The following HSPA12B variants were observed in gnomAD, a reference collection of about 807,000 sequenced individuals.
The protein encoded by HSPA12B is heat shock 70 kDa protein 12B.
In HSPA12B, 54 loss-of-function variants were observed where a neutral mutation model predicts 69.3. The ratio of observed to expected loss-of-function variants is 0.78; its 90% CI spans 0.63 to 0.98. The LOEUF is 0.98. Among genes scored for constraint, HSPA12B ranks in the 50% least tolerant of loss-of-function variants. The pLI is 0.00. For missense variants in HSPA12B, 929 were observed against 999.8 expected (o/e 0.93, Z 0.96); for synonymous variants, 441 against 436.5 (o/e 1.01, Z -0.13).
At position 3,745,340 on chromosome 20, in the gene HSPA12B, G is replaced by T. The variant is rs1444090265; in HGVS notation, c.454-153G>T. Among the ~76,000 whole-genome samples, 4 of 150,820 alleles carry T rather than the reference G, an allele frequency of 2.7e-5. No individual in the cohort carries two copies. The highest frequency in any genetic ancestry group is 4.4e-5 in the Non-Finnish European group (3 of 67,770). On this transcript the variant is annotated intron_variant, in intron 5 of 12. Coordinates refer to ENST00000254963, the MANE Select transcript of HSPA12B (RefSeq NM_052970.5). The surrounding 1 kb of genome is among the most constrained non-coding windows in gnomAD (Gnocchi z 5.6). ...AGGAGGGGTGGGGCTAAGGAGAGGG[G>T]TCGGGGCAGAGCTAATGTCACATGG... is the stretch of plus-strand genomic sequence containing the variant.
At position 3,748,364 on chromosome 20, in the gene HSPA12B, C is replaced by T. The variant is rs139111180; in HGVS notation, c.823C>T (p.Arg275Cys). 8.3e-4 allele frequency: 1,324 copies of T among 1,604,090 alleles called. 4 individuals are homozygous for T. Among genetic ancestry groups the T allele is most frequent in the Middle Eastern group, 5.8e-3 (34 of 5,844 alleles). The change falls in exon 8 of 13, where the codon CGC becomes TGC. Residue 275 changes from arginine to cysteine, a missense_variant. Physicochemically the swap from Arg to Cys is radical, Grantham distance 180. This residue lies in a region of HSPA12B where 477 missense variants were observed against 535.2 expected (regional missense o/e 0.89). Coordinates refer to ENST00000254963, the MANE Select transcript of HSPA12B (RefSeq NM_052970.5). ...AGGTGGTGGGCGCCTGGGTGAGCGC[C>T]GCTCCATCGACTCCAGCTTCCGTCA... ...APGGGRLGER[R>C]SIDSSFRQAR...
At chr20:3,736,876 A>T (rs866875651) in intron 1 of HSPA12B, among the ~76,000 whole-genome samples, 1 of 152,150 alleles carries the variant, frequency 6.6e-6, no homozygotes, top group Admixed American at 6.5e-5. Context: ...TACAAAAATT[A>T]GCCAGGCATT....
At position 3,744,966 on chromosome 20, in the gene HSPA12B, C is replaced by T; in HGVS notation, c.331C>T (p.Pro111Ser). The change falls in exon 5 of 13, where the codon CCG (proline) becomes TCG (serine). Residue 111 changes from proline (P) to serine (S), a missense_variant. Pro to Ser is a moderately conservative substitution (Grantham distance 74). Around this residue, in one of 3 missense-constraint regions of HSPA12B, gnomAD observed 477 missense variants for 535.2 expected, o/e 0.89. Transcript: ENST00000254963. The surrounding 1 kb of genome is among the most constrained non-coding windows in gnomAD (Gnocchi z 4.9). ...GACCCCGACCTGCCTGCTGCTGACTCCGGAGGGCGCCTTCCACAGCTTTGG... is the reference window on the plus strand; with the variant it reads ...GACCCCGACCTGCCTGCTGCTGACTTCGGAGGGCGCCTTCCACAGCTTTGG... ...QKTPTCLLLT[P>S]EGAFHSFGYT... is the part of the protein sequence containing the mutation. The T allele has an allele frequency of 4.3e-6, 7 of 1,613,968 alleles. No homozygotes were observed. Among genetic ancestry groups the T allele is most frequent in the Non-Finnish European group, 5.9e-6 (7 of 1,180,040 alleles).
Position 3,750,631 on chromosome 20 carries a change from G to A in HSPA12B, c.1302-173G>A, listed in dbSNP as rs1342023941. 8 of 981,554 alleles carry A rather than the reference G, an allele frequency of 8.2e-6. No individual in the cohort carries two copies. In the South Asian group the frequency reaches 1.9e-4, roughly 23 times the overall value. The allele number at this position is 981,554 out of a possible 1,614,324, so 60.8% of individuals were successfully genotyped here. ...CAACTAAATCCTCTGAGTGAGTAGG[G>A]TGGAGATAAGGGACTAACATCCCGC... On this transcript the variant is annotated intron_variant, in intron 11 of 12. Coordinates refer to ENST00000254963, the MANE Select transcript of HSPA12B (RefSeq NM_052970.5).
At position 3,749,657 on chromosome 20, in the gene HSPA12B, G is replaced by C; in HGVS notation, c.938-93G>C. On this transcript the variant is annotated intron_variant, in intron 9 of 12. Transcript: ENST00000254963. The surrounding 1 kb of genome is among the most constrained non-coding windows in gnomAD (Gnocchi z 5.5). ...ACCCTGCAGACAGGCCTTGGGACCCGGGGCAGGGCTGGAGGCTGGGCGAGG... is the reference window on the plus strand; with the variant it reads ...ACCCTGCAGACAGGCCTTGGGACCCCGGGCAGGGCTGGAGGCTGGGCGAGG... 1.1e-6 allele frequency: 1 copy of C among 947,028 alleles called. No homozygotes were observed. Among genetic ancestry groups the C allele is most frequent in the Non-Finnish European group, 1.6e-6 (1 of 643,990 alleles). 58.7% of individuals were successfully genotyped at this position (947,028 alleles called of 1,614,324 possible). A position where few individuals can be genotyped will look rare whatever the true frequency, so the allele number is the denominator to read the frequency against.
chr20:3,750,927 C>G lies in HSPA12B; in HGVS notation c.1405+20C>G. On this transcript the variant is annotated intron_variant, in intron 12 of 12. Transcript: ENST00000254963. ...ACATAGGTGAGCACCTGAGCTTGGT[C>G]CCCCACCCGCCCCTACATGAACAAA... 1 of 1,591,616 alleles carries G rather than the reference C, an allele frequency of 6.3e-7. No individual in the cohort carries two copies. The highest frequency in any genetic ancestry group is 2.2e-5 in the East Asian group (1 of 44,768).
At position 3,737,783 on chromosome 20, in the gene HSPA12B, A is replaced by G. The variant is rs748558923; in HGVS notation, c.-17-875A>G. 6.6e-6 allele frequency among the ~76,000 whole-genome samples: 1 copy of G among 152,194 alleles called. No individual in the cohort carries two copies. The highest frequency in any genetic ancestry group is 1.5e-5 in the Non-Finnish European group (1 of 68,036). On this transcript the variant is annotated intron_variant, in intron 1 of 12. Coordinates refer to ENST00000254963, the MANE Select transcript of HSPA12B (RefSeq NM_052970.5). The surrounding 1 kb of genome is among the most constrained non-coding windows in gnomAD (Gnocchi z 4.1). ...TTTGAGAGGCCGAGGTGGGCGGATCACCTGAGGTCAGGAGTTCGAGAACAG... is the reference window on the plus strand; with the variant it reads ...TTTGAGAGGCCGAGGTGGGCGGATCGCCTGAGGTCAGGAGTTCGAGAACAG...
rs1056350043 is a variant in HSPA12B, at chr20:3,741,327, A to G, written c.141+415A>G. 1.4e-4 allele frequency among the ~76,000 whole-genome samples: 20 copies of G among 145,954 alleles called. No individual in the cohort carries two copies. The East Asian group carries it at 4.1e-3, about 30-fold the overall frequency. ...GATGTGTTGCCAAAAAAAAAAAAAA[A>G]TAGTCTGGAAACCATTAGCTTGGGC... is the stretch of plus-strand genomic sequence containing the variant. On this transcript the variant is annotated intron_variant, in intron 3 of 12. Transcript: ENST00000254963.
At chr20:3,738,186 T>A (rs1398333921) in intron 1 of HSPA12B, among the ~76,000 whole-genome samples, 1 of 152,172 alleles carries the variant, frequency 6.6e-6, no homozygotes, top group Non-Finnish European at 1.5e-5. Flanking sequence ...CACCCCGCAT[T>A]ATCCAACTTT....
rs375725643 is a variant in HSPA12B, at chr20:3,750,087, G to A, written c.1161G>A (p.Leu387=). 2 of 1,612,106 alleles carry A rather than the reference G, an allele frequency of 1.2e-6. No individual in the cohort carries two copies. Among genetic ancestry groups the A allele is most frequent in the East Asian group, 2.2e-5 (1 of 44,824 alleles). ...AACGGCCGGCAGCCTGGGTAGATCTGACCATCGCCTTCGAGGCTCGCAAGC... is the reference window on the plus strand; with the variant it reads ...AACGGCCGGCAGCCTGGGTAGATCTAACCATCGCCTTCGAGGCTCGCAAGC... ...KRQRPAAWVD[L]TIAFEARKRT... is the part of the protein sequence containing the mutation. Residue 387 remains leucine, a synonymous_variant, in exon 11 of 13, where the codon CTG becomes CTA. Transcript: ENST00000254963.
intron 11 of HSPA12B, 134 bp downstream of exon 11, chr20:3,750,361 T>A: frequency 9.8e-7 from 1 of 1,024,568 alleles, no homozygotes; most frequent in South Asian, 1.8e-5. Context: ...CAGCAGGGCG[T>A]CGGGGTGGGG....
chr20:3,750,727 T>C, intron 11 of HSPA12B, 77 bp from the exon 12 acceptor site: 1 of 1,608,062 alleles, frequency 6.2e-7, no homozygotes, highest in Non-Finnish European at 8.5e-7. Flanking sequence ...AGGTAGAGAA[T>C]AAGGACCACG....
At chr20:3,747,722 G>A (rs2088331252) in intron 7 of HSPA12B, among the ~76,000 whole-genome samples, 1 of 152,242 alleles carries the variant, frequency 6.6e-6, no homozygotes. Context: ...TGGAAGTGGG[G>A]TGGCCTATGG....
At chr20:3,750,989 T>C in intron 12 of HSPA12B, 82 bp downstream of exon 12, 1 of 1,151,348 alleles carries the variant, frequency 8.7e-7, no homozygotes, top group Non-Finnish European at 1.3e-6. Flanking sequence ...AGTGCCTAGA[T>C]ACCTCCACAC....
rs758940609 is a variant in HSPA12B at position 3,738,650 on chromosome 20, G to C, written c.-17-8G>C. 6.2e-7 allele frequency: 1 copy of C among 1,613,818 alleles called. No homozygotes were observed. The highest frequency in any genetic ancestry group is 1.6e-4 in the Middle Eastern group (1 of 6,062). ...AATCCCACTCTGCTTGTCTGTTCCTGTTGACAGCTACAGGGCCTGCAAGGA... is the reference window on the plus strand; with the variant it reads ...AATCCCACTCTGCTTGTCTGTTCCTCTTGACAGCTACAGGGCCTGCAAGGA... On this transcript the variant is annotated splice_polypyrimidine_tract_variant and splice_region_variant and intron_variant, in intron 1 of 12. Coordinates refer to ENST00000254963, the MANE Select transcript of HSPA12B (RefSeq NM_052970.5).
chr20:3,738,693 A>C lies in HSPA12B; in HGVS notation c.19A>C (p.Met7Leu). 6.2e-7 allele frequency: 1 copy of C among 1,614,116 alleles called. No individual in the cohort carries two copies. The highest frequency in any genetic ancestry group is 1.1e-5 in the South Asian group (1 of 91,078). The part of the protein sequence containing the change: MLAVPE[M>L]GLQGLYIGSS... ...TGCAAGGATGTTGGCTGTCCCGGAGATGGGCCTGCAGGGGCTGTACATCGG... is the reference window on the plus strand; with the variant it reads ...TGCAAGGATGTTGGCTGTCCCGGAGCTGGGCCTGCAGGGGCTGTACATCGG... The change falls in exon 2 of 13, where the codon ATG becomes CTG. Residue 7 changes from methionine to leucine, a missense_variant. By Grantham distance (15) the Met-to-Leu change is conservative. This residue lies in a region of HSPA12B where 477 missense variants were observed against 535.2 expected (regional missense o/e 0.89). Coordinates refer to ENST00000254963, the MANE Select transcript of HSPA12B (RefSeq NM_052970.5).
chr20:3,750,676 C>G, intron 11 of HSPA12B, 128 bp from the exon 12 acceptor site: 1 of 1,567,610 alleles, frequency 6.4e-7, no homozygotes. Context: ...CCTCCAGACA[C>G]CACGTGCAGT....
At chr20:3,748,900 G>A (rs566379387) in intron 8 of HSPA12B, among the ~76,000 whole-genome samples, 1 of 152,260 alleles carries the variant, frequency 6.6e-6, no homozygotes, top group Non-Finnish European at 1.5e-5. Context: ...CCAGGGCAGG[G>A]AGAAGCCCTA....
In HSPA12B at chr20:3,749,676, G is replaced by T. The variant is rs2088373068; in HGVS notation, c.938-74G>T. 1 of 1,137,264 alleles carries T rather than the reference G, an allele frequency of 8.8e-7. No homozygotes were observed. Among genetic ancestry groups the T allele is most frequent in the Non-Finnish European group, 1.2e-6 (1 of 804,828 alleles). The allele number at this position is 1,137,264 out of a possible 1,614,324, so 70.4% of individuals were successfully genotyped here. A position where few individuals can be genotyped will look rare whatever the true frequency, so the allele number is the denominator to read the frequency against. On this transcript the variant is annotated intron_variant, in intron 9 of 12. Transcript: ENST00000254963. The surrounding 1 kb of genome is among the most constrained non-coding windows in gnomAD (Gnocchi z 5.5). The stretch of plus-strand genomic sequence containing the variant: ...GGACCCGGGGCAGGGCTGGAGGCTG[G>T]GCGAGGCTGGAGGGGGCGCAGGGCT...
Sources: allele counts gnomAD v4.1 joint callset (sites outside exome capture counted in the v4.1 genomes callset), GRCh38; gene constraint gnomAD v4.1.1; regional missense constraint gnomAD v4.1.1; non-coding constraint Gnocchi (gnomAD v3.1); transcripts MANE v1.5; gene names NCBI Gene and HGNC (gene_info 2026-07-23, HGNC 2026-07-21).